SGK3: variants seen among roughly 807,000 people sequenced by gnomAD.
SGK3 encodes serine/threonine-protein kinase Sgk3.
Under a neutral mutation model 68.5 loss-of-function variants are expected in SGK3, and 47 were observed. The ratio of observed to expected loss-of-function variants is 0.69; its 90% CI spans 0.54 to 0.87. The LOEUF (loss-of-function observed/expected upper bound fraction) is 0.87. SGK3 is among the 40% of genes least tolerant of loss of function. The probability of loss-of-function intolerance (pLI) is 0.00; values close to 1 mark genes in which losing one functional copy is unlikely to be tolerated. For synonymous variants in SGK3, 181 were observed against 189.1 expected, an observed-to-expected ratio of 0.96 and a Z score of 0.35; for missense variants, 479 against 575.5, an observed-to-expected ratio of 0.83 and a Z score of 1.72.
At position 66,813,879 on chromosome 8, in the gene SGK3, C is replaced by T; in HGVS notation, c.280C>T (p.Leu94=). The part of the protein sequence containing the change: ...PDFIKQRRAG[L]NEFIQNLVRY... ...TTTTATTAAACAAAGACGAGCAGGA[C>T]TAAACGAATTCATTCAGAACCTAGT... The change falls in exon 5 of 17, where the codon CTA becomes TTA. Residue 94 remains leucine (L), a synonymous_variant. Transcript: ENST00000521198. The T allele has an allele frequency of 6.3e-7, 1 of 1,586,908 alleles. No homozygotes were observed. Among genetic ancestry groups the T allele is most frequent in the South Asian group, 1.2e-5 (1 of 85,354 alleles).
At chr8:66,799,859 T>C (rs1028131511) in intron 3 of SGK3, among the ~76,000 whole-genome samples, 5 of 152,088 alleles carry the variant, frequency 3.3e-5, no homozygotes, top group Non-Finnish European at 7.4e-5. Flanking sequence ...CCTGGCCTCA[T>C]GTGATCCGCC....
intron 1 of SGK3, among the ~76,000 whole-genome samples, chr8:66,724,638 C>A (rs1467763909): frequency 6.6e-6 from 1 of 152,174 alleles, no homozygotes; most frequent in Non-Finnish European, 1.5e-5. Context: ...AAACTAAAGT[C>A]TTTGTCCCAC....
intron 1 of SGK3, among the ~76,000 whole-genome samples, chr8:66,715,971 T>C (rs990675928): frequency 6.6e-6 from 1 of 152,222 alleles, no homozygotes; most frequent in Non-Finnish European, 1.5e-5. Flanking sequence ...CTTTGAAACC[T>C]GTCTTGTTTC....
chr8:66,792,070 C>T (rs1040982783), intron 1 of SGK3, among the ~76,000 whole-genome samples: 2 of 152,204 alleles, frequency 1.3e-5, no homozygotes, highest in Non-Finnish European at 2.9e-5. Context: ...TGGTTCACGC[C>T]TGTAATCCCA....
chr8:66,783,607 T>C (rs1807080013), intron 1 of SGK3, among the ~76,000 whole-genome samples: 1 of 152,194 alleles, frequency 6.6e-6, no homozygotes, highest in Admixed American at 6.5e-5. Context: ...AACCTTCACC[T>C]CCTGGGCTCA....
intron 14 of SGK3, among the ~76,000 whole-genome samples, chr8:66,844,987 C>A (rs1044391735): frequency 2.0e-5 from 3 of 152,186 alleles, no homozygotes; most frequent in African/African-American, 7.2e-5. Flanking sequence ...ATTTCAGAAT[C>A]CTTCAAATTT....
chr8:66,830,254 T>G (rs1362207941), intron 7 of SGK3, among the ~76,000 whole-genome samples: 1 of 152,222 alleles, frequency 6.6e-6, no homozygotes, highest in East Asian at 1.9e-4. Flanking sequence ...TTGAGGGACC[T>G]GCATGCTTTT....
intron 6 of SGK3, among the ~76,000 whole-genome samples, chr8:66,825,913 T>G (rs934830752): frequency 6.6e-6 from 1 of 152,210 alleles, no homozygotes; most frequent in Non-Finnish European, 1.5e-5. Context: ...TAATTACATA[T>G]TAACATACTT....
chr8:66,742,040 TAC>T (rs1805496021), intron 1 of SGK3, among the ~76,000 whole-genome samples: 1 of 152,152 alleles, frequency 6.6e-6, no homozygotes, highest in South Asian at 2.1e-4. Flanking sequence ...GGAAGTACAT[TAC>T]AAGTCAAAGG....
intron 5 of SGK3, among the ~76,000 whole-genome samples, chr8:66,820,517 A>G (rs1253301418): frequency 6.6e-6 from 1 of 152,138 alleles, no homozygotes; most frequent in Non-Finnish European, 1.5e-5. Flanking sequence ...ATGAGAAATC[A>G]TGAATGAGTT....
chr8:66,822,948 A>T (rs1298598631), intron 6 of SGK3, among the ~76,000 whole-genome samples: 1 of 152,182 alleles, frequency 6.6e-6, no homozygotes, highest in Non-Finnish European at 1.5e-5. Flanking sequence ...TATAAAACCT[A>T]TAGAATGAGT....
At chr8:66,753,823 AAAAAGAAAAG>A (rs529694848) in intron 1 of SGK3, among the ~76,000 whole-genome samples, 2 of 152,170 alleles carry the variant, frequency 1.3e-5, no homozygotes, top group Non-Finnish European at 2.9e-5. Flanking sequence ...CCCTCTCAAA[AAAAAGAAAAG>A]AAAAGAAAAG....
Position 66,793,643 on chromosome 8 carries a change from T to G in SGK3, c.-94T>G. ...TGCATGATGGAATTTGAACATTACTTCAAGAGGTTTTGTATTTTGGATTAG... is the reference window on the plus strand; with the variant it reads ...TGCATGATGGAATTTGAACATTACTGCAAGAGGTTTTGTATTTTGGATTAG... On this transcript the variant is annotated 5_prime_UTR_variant, in exon 2 of 17. Coordinates refer to ENST00000521198, the MANE Select transcript of SGK3 (RefSeq NM_001033578.3). 1 of 1,190,952 alleles carries G rather than the reference T, an allele frequency of 8.4e-7. No homozygotes were observed. Among genetic ancestry groups the G allele is most frequent in the Non-Finnish European group, 1.2e-6 (1 of 862,702 alleles). 73.8% of individuals were successfully genotyped at this position (1,190,952 alleles called of 1,614,324 possible). A position where few individuals can be genotyped will look rare whatever the true frequency, so the allele number is the denominator to read the frequency against.
At chr8:66,755,785 A>G (rs767671701) in intron 1 of SGK3, among the ~76,000 whole-genome samples, 6 of 152,306 alleles carry the variant, frequency 3.9e-5, no homozygotes, top group Non-Finnish European at 5.9e-5. Context: ...TTAAATGACT[A>G]TTTACTTTCA....
intron 2 of SGK3, 150 bp downstream of exon 2, chr8:66,793,982 C>CT (rs1406865374): frequency 2.5e-6 from 2 of 801,184 alleles, no homozygotes; most frequent in Non-Finnish European, 3.8e-6. Context: ...TCCACAAAGT[C>CT]TTCTGTGGCT....
chr8:66,821,368 G>T (rs1040035801), intron 5 of SGK3, among the ~76,000 whole-genome samples: 1 of 151,836 alleles, frequency 6.6e-6, no homozygotes, highest in East Asian at 1.9e-4. Flanking sequence ...CTTGCTTCTC[G>T]CTGTTGACTG....
At chr8:66,821,833 A>G (rs1349213872) in intron 5 of SGK3, among the ~76,000 whole-genome samples, 1 of 151,996 alleles carries the variant, frequency 6.6e-6, no homozygotes, top group Non-Finnish European at 1.5e-5. Context: ...CCAGCAGCAC[A>G]TAATTTTTTC....
rs1389138153 is a variant in SGK3 at position 66,835,803 on chromosome 8, C to T, written c.566C>T (p.Ala189Val). The change falls in exon 9 of 17, where the codon GCT becomes GTT. Residue 189 changes from alanine to valine, a missense_variant. By Grantham distance (64) the Ala-to-Val change is moderately conservative. Around this residue, in one of 3 missense-constraint regions of SGK3, gnomAD observed 298 missense variants for 329.4 expected, o/e 0.90. Transcript: ENST00000521198. Reference protein sequence around the residue: ...AKRKLDGKFYAVKVLQKKIVL... With the variant: ...AKRKLDGKFYVVKVLQKKIVL... ...CGGAAACTGGATGGAAAATTTTATG[C>T]TGTCAAAGTGTTACAGAAAAAAATA... is the stretch of plus-strand genomic sequence containing the variant. 2 of 1,612,294 alleles carry T rather than the reference C, an allele frequency of 1.2e-6. No homozygotes were observed. Among genetic ancestry groups the T allele is most frequent in the Admixed American group, 1.7e-5 (1 of 59,714 alleles).
chr8:66,771,414 C>T (rs1806507741), intron 1 of SGK3, among the ~76,000 whole-genome samples: 1 of 152,202 alleles, frequency 6.6e-6, no homozygotes, highest in African/African-American at 2.4e-5. Context: ...TCAGTTTTCA[C>T]TCTTACTTGG....
Sources: allele counts gnomAD v4.1 joint callset (sites outside exome capture counted in the v4.1 genomes callset), GRCh38; gene constraint gnomAD v4.1.1; regional missense constraint gnomAD v4.1.1; transcripts MANE v1.5; gene names NCBI Gene and HGNC (gene_info 2026-07-23, HGNC 2026-07-21).